The following AKAP7 variants were observed in gnomAD, a reference collection of about 807,000 sequenced individuals.
AKAP7 encodes A kinase (PRKA) anchor protein 7.
Under a neutral mutation model 39.5 loss-of-function variants are expected in AKAP7, and 39 were observed. The observed-to-expected ratio is 0.99, with a 90% CI of 0.76 to 1.29. AKAP7 has a LOEUF of 1.29. Among genes scored for constraint, AKAP7 ranks in the 50% most tolerant of loss-of-function variants. The pLI, the probability that AKAP7 is intolerant of heterozygous loss-of-function variation, is 0.00. For synonymous variants in AKAP7, 140 were observed against 139.1 expected (o/e 1.01, Z -0.05); for missense variants, 414 against 407.7 (o/e 1.02, Z -0.13).
chr6:131,241,623 G>GTATATACGTATATATATATATA (rs1228757342), intron 7 of AKAP7, among the ~76,000 whole-genome samples: 1 of 68,524 alleles, frequency 1.5e-5, no homozygotes, highest in African/African-American at 5.9e-5. Context: ...GTGTGTGTGT[G>GTATATACGTATATATATATATA]TGTGTATATA....
chr6:131,146,440 C>T (rs1268401446), intron 2 of AKAP7, among the ~76,000 whole-genome samples: 1 of 151,952 alleles, frequency 6.6e-6, no homozygotes, highest in Non-Finnish European at 1.5e-5. Context: ...AGACCCCCAT[C>T]TCTATTTTAG....
At chr6:131,262,501 T>A (rs1813429281) in intron 7 of AKAP7, among the ~76,000 whole-genome samples, 1 of 152,124 alleles carries the variant, frequency 6.6e-6, no homozygotes, top group Non-Finnish European at 1.5e-5. Flanking sequence ...CTTATTTCTT[T>A]TGGGACAAAA....
At chr6:131,243,615 T>G (rs1436995639) in intron 7 of AKAP7, among the ~76,000 whole-genome samples, 1 of 152,218 alleles carries the variant, frequency 6.6e-6, no homozygotes, top group Non-Finnish European at 1.5e-5. Context: ...GTTATTAAAG[T>G]ACCTTTTATT....
chr6:131,203,172 T>C (rs1807767835), intron 6 of AKAP7, among the ~76,000 whole-genome samples: 1 of 152,228 alleles, frequency 6.6e-6, no homozygotes, highest in South Asian at 2.1e-4. Flanking sequence ...TACAAGATGA[T>C]TTCATTTATT....
intron 7 of AKAP7, among the ~76,000 whole-genome samples, chr6:131,236,172 C>T (rs1433636130): frequency 1.3e-5 from 2 of 152,018 alleles, no homozygotes; most frequent in Non-Finnish European, 2.9e-5. Flanking sequence ...ATCGTTTCCC[C>T]ATTGCTTGTT....
At chr6:131,156,148 C>T (rs922168197) in intron 2 of AKAP7, among the ~76,000 whole-genome samples, 1 of 152,040 alleles carries the variant, frequency 6.6e-6, no homozygotes, top group Non-Finnish European at 1.5e-5. Flanking sequence ...TTTCCCAGTA[C>T]AGTACAGGTT....
intron 4 of AKAP7, among the ~76,000 whole-genome samples, chr6:131,165,805 C>T (rs1394199562): frequency 6.6e-6 from 1 of 152,130 alleles, no homozygotes; most frequent in Non-Finnish European, 1.5e-5. Context: ...TTACTGCTTT[C>T]CAATCTGGAA....
Position 131,261,558 on chromosome 6 carries a change from T to A in AKAP7, c.851-19972T>A, listed in dbSNP as rs1164644031. Among the ~76,000 whole-genome samples, 4 of 152,318 alleles carry A rather than the reference T, an allele frequency of 2.6e-5. No homozygotes were observed. The South Asian group carries it at 6.2e-4, about 24-fold the overall frequency. On this transcript the variant is annotated intron_variant, in intron 7 of 7. Coordinates refer to ENST00000431975, the MANE Select transcript of AKAP7 (RefSeq NM_016377.4). ...TGCTATTATATACCCAGTACTGTAC[T>A]TAACCTACTGAACCTCCAATGTAAA...
chr6:131,227,505 TA>T (rs912387013), intron 7 of AKAP7, among the ~76,000 whole-genome samples: 1 of 152,188 alleles, frequency 6.6e-6, no homozygotes. Context: ...GTACATACAC[TA>T]AAACAAGGAT....
In AKAP7 at chr6:131,219,604, A is replaced by G. The variant is rs1809523136; in HGVS notation, c.703-57A>G. 8 of 1,491,850 alleles carry G rather than the reference A, an allele frequency of 5.4e-6. No homozygotes were observed. The South Asian group carries it at 9.9e-5, about 18-fold the overall frequency. 92.4% of individuals were successfully genotyped at this position (1,491,850 alleles called of 1,614,324 possible). A position where few individuals can be genotyped will look rare whatever the true frequency, so the allele number is the denominator to read the frequency against. ...CAGGTTCAAAGAAAGTGATGTAGTT[A>G]TGAACTGGCTGCATGGGTGAAATGA... is the stretch of plus-strand genomic sequence containing the variant. On this transcript the variant is annotated intron_variant, in intron 6 of 7. Transcript: ENST00000431975.
chr6:131,263,776 A>T (rs3777488), intron 7 of AKAP7, among the ~76,000 whole-genome samples: 17,708 of 152,056 alleles, frequency 0.12, 1,181 homozygotes, highest in Admixed American at 0.19. Context: ...TAGGTGAGGA[A>T]GGGATTTGGG....
intron 6 of AKAP7, among the ~76,000 whole-genome samples, chr6:131,208,987 T>C (rs907983651): frequency 5.3e-5 from 8 of 152,246 alleles, no homozygotes; most frequent in Admixed American, 2.6e-4. Context: ...GAGCAGGATA[T>C]ATAATTTGCT....
At chr6:131,183,644 C>G (rs1805508817) in intron 5 of AKAP7, among the ~76,000 whole-genome samples, 2 of 152,070 alleles carry the variant, frequency 1.3e-5, no homozygotes, top group African/African-American at 4.8e-5. Flanking sequence ...TGGAGCCCGC[C>G]CATGAGAGTG....
chr6:131,187,246 C>G (rs1346304856), intron 5 of AKAP7, among the ~76,000 whole-genome samples: 1 of 152,064 alleles, frequency 6.6e-6, no homozygotes, highest in African/African-American at 2.4e-5. Context: ...TCCTTCGGTT[C>G]ATTAAAACAG....
At chr6:131,185,822 G>A (rs900940166) in intron 5 of AKAP7, among the ~76,000 whole-genome samples, 4 of 152,112 alleles carry the variant, frequency 2.6e-5, no homozygotes, top group African/African-American at 9.7e-5. Flanking sequence ...AAATTTTTAT[G>A]TAGTCCAATT....
Position 131,178,976 on chromosome 6 carries a change from G to A in AKAP7, c.589+9703G>A, listed in dbSNP as rs1804845601. 2.6e-5 allele frequency among the ~76,000 whole-genome samples: 4 copies of A among 152,076 alleles called. 1 individual carries two copies. In the South Asian group the frequency reaches 8.3e-4, roughly 32 times the overall value. ...ACTCAACAGAGTCTTTTCTGCCATA[G>A]ATCTTCTGAAAATGCCTGAGTGTTC... On this transcript the variant is annotated intron_variant, in intron 5 of 7. Coordinates refer to ENST00000431975, the MANE Select transcript of AKAP7 (RefSeq NM_016377.4).
chr6:131,242,838 A>G (rs543106333), intron 7 of AKAP7, among the ~76,000 whole-genome samples: 1 of 152,312 alleles, frequency 6.6e-6, no homozygotes, highest in Admixed American at 6.5e-5. Context: ...TATTTGTATT[A>G]TGGGACATGG....
chr6:131,145,446 T>C, intron 2 of AKAP7, 30 bp downstream of exon 2: 1 of 1,358,772 alleles, frequency 7.4e-7, no homozygotes, highest in Non-Finnish European at 9.7e-7. Context: ...AACGCGTATT[T>C]AGAAGCAATG....
rs187261930 is a variant in AKAP7 at position 131,145,923 on chromosome 6, T to A, written c.151+507T>A. On this transcript the variant is annotated intron_variant, in intron 2 of 7. Transcript: ENST00000431975. Reference sequence around the variant, plus strand: ...ATAATAATAATGTTATATTCATATATAATAATATCTGTGATAAAATAATCA... The same window carrying A: ...ATAATAATAATGTTATATTCATATAAAATAATATCTGTGATAAAATAATCA... Among the ~76,000 whole-genome samples, 24 of 152,288 alleles carry A rather than the reference T, an allele frequency of 1.6e-4. No individual in the cohort carries two copies. The East Asian group carries it at 3.7e-3, about 23-fold the overall frequency.
Sources: allele counts gnomAD v4.1 joint callset (sites outside exome capture counted in the v4.1 genomes callset), GRCh38; gene constraint gnomAD v4.1.1; transcripts MANE v1.5; gene names NCBI Gene and HGNC (gene_info 2026-07-23, HGNC 2026-07-21).